ST8SIA1: variants seen among roughly 807,000 people sequenced by gnomAD.
The protein encoded by ST8SIA1 is alpha-N-acetylneuraminide alpha-2,8-sialyltransferase.
Under a neutral mutation model 35.9 loss-of-function variants are expected in ST8SIA1, and 16 were observed. The observed-to-expected ratio is 0.45, with a 90% CI of 0.30 to 0.68. The LOEUF (loss-of-function observed/expected upper bound fraction) is 0.68. ST8SIA1 is among the 30% of genes least tolerant of loss of function. ST8SIA1 has a pLI of 0.09. For missense variants in ST8SIA1, 383 were observed against 453.6 expected, an observed-to-expected ratio of 0.84 and a Z score of 1.41; for synonymous variants, 170 against 169.6, an observed-to-expected ratio of 1.00 and a Z score of -0.02.
intron 1 of ST8SIA1, among the ~76,000 whole-genome samples, chr12:22,292,756 A>G (rs2541303): frequency 0.34 from 52,023 of 151,988 alleles, 10,250 homozygotes; most frequent in African/African-American, 0.55. Flanking sequence ...CAGCGGGAGA[A>G]AGAATGGGAG....
chr12:22,325,735 T>G, intron 1 of ST8SIA1: 1 of 626,270 alleles, frequency 1.6e-6, no homozygotes, highest in East Asian at 2.8e-5. Flanking sequence ...ATTTATAAAT[T>G]AGGCACAGTA....
chr12:22,305,182 AATAT>A lies in ST8SIA1; in HGVS notation c.237-17893_237-17890del, dbSNP rs1866369596. Among the ~76,000 whole-genome samples, 6 of 152,278 alleles carry A rather than the reference AATAT, an allele frequency of 3.9e-5. No individual in the cohort carries two copies. The South Asian group carries it at 1.2e-3, about 32-fold the overall frequency. On this transcript the variant is annotated intron_variant, in intron 1 of 4. Transcript: ENST00000396037. ...GTGTACACAATGTTTCACTGCTAAA[AATAT>A]ATAAAAGAGCTCTAATGAATGGGCT...
At chr12:22,279,234 C>T (rs1866006218) in intron 2 of ST8SIA1, among the ~76,000 whole-genome samples, 1 of 152,222 alleles carries the variant, frequency 6.6e-6, no homozygotes. Context: ...ATGGGAATCA[C>T]TACCAAGTTA....
At chr12:22,328,351 G>T (rs376447742) in intron 1 of ST8SIA1, among the ~76,000 whole-genome samples, 26 of 152,282 alleles carry the variant, frequency 1.7e-4, no homozygotes, top group African/African-American at 6.0e-4. Context: ...CAGGGACCAT[G>T]CTGGGCTCTG....
At chr12:22,267,658 T>G (rs1415978182) in intron 2 of ST8SIA1, among the ~76,000 whole-genome samples, 1 of 152,216 alleles carries the variant, frequency 6.6e-6, no homozygotes, top group Non-Finnish European at 1.5e-5. Context: ...TCTCCTGACC[T>G]GCTTGGCTTA....
chr12:22,297,623 C>T (rs553170176), intron 1 of ST8SIA1, among the ~76,000 whole-genome samples: 2 of 152,218 alleles, frequency 1.3e-5, no homozygotes, highest in African/African-American at 4.8e-5. Flanking sequence ...TCTCTTTACT[C>T]AGCACAGAAT....
chr12:22,219,472 G>A (rs148978045), intron 4 of ST8SIA1, among the ~76,000 whole-genome samples: 123 of 152,192 alleles, frequency 8.1e-4, no homozygotes, highest in South Asian at 3.5e-3. Flanking sequence ...GGGTGGAGGC[G>A]AGGGCACTTG....
intron 4 of ST8SIA1, among the ~76,000 whole-genome samples, chr12:22,207,871 G>A (rs1056483773): frequency 5.9e-5 from 9 of 151,960 alleles, no homozygotes; most frequent in Middle Eastern, 3.4e-3. Context: ...CTAGCCAGGC[G>A]CGGTGGCTCA....
chr12:22,223,434 G>A (rs1413704755), intron 4 of ST8SIA1: 1 of 834,610 alleles, frequency 1.2e-6, no homozygotes, highest in Non-Finnish European at 1.4e-6. Context: ...AGTCCAAAGT[G>A]GAAAAGCTAA....
intron 1 of ST8SIA1, among the ~76,000 whole-genome samples, chr12:22,308,111 G>A (rs1245349068): frequency 6.6e-6 from 1 of 152,162 alleles, no homozygotes; most frequent in Non-Finnish European, 1.5e-5. Context: ...ATTTTTGATG[G>A]TGGTTGCTTT....
In ST8SIA1 at chr12:22,287,239, C is replaced by A. The variant is rs1866111432; in HGVS notation, c.291G>T (p.Met97Ile). The change falls in exon 2 of 5, where the codon ATG (methionine) becomes ATT (isoleucine). Residue 97 changes from methionine to isoleucine, a missense_variant. Met to Ile is a conservative substitution (Grantham distance 10). Coordinates refer to ENST00000396037, the MANE Select transcript of ST8SIA1 (RefSeq NM_003034.4). ...DPAHLFAMTK[M>I]NSPMGKSMWY... ...ACATGCTCTTCCCCATAGGGGAATT[C>A]ATTTTAGTCATAGCAAAGAGATGGG... 6.2e-7 allele frequency: 1 copy of A among 1,614,044 alleles called. No individual in the cohort carries two copies. The highest frequency in any genetic ancestry group is 8.5e-7 in the Non-Finnish European group (1 of 1,179,940).
At chr12:22,326,102 A>G (rs1031628031) in intron 1 of ST8SIA1, 1 of 468,060 alleles carries the variant, frequency 2.1e-6, no homozygotes, top group African/African-American at 2.0e-5. Context: ...AGCCATGGAA[A>G]ACAAAACCAC....
chr12:22,206,955 A>G (rs1302625862), intron 4 of ST8SIA1, among the ~76,000 whole-genome samples: 1 of 152,220 alleles, frequency 6.6e-6, no homozygotes, highest in Non-Finnish European at 1.5e-5. Context: ...GTAATAAGAA[A>G]GTGCTGCTGG....
At chr12:22,235,767 C>T (rs546953140) in intron 4 of ST8SIA1, among the ~76,000 whole-genome samples, 1 of 152,250 alleles carries the variant, frequency 6.6e-6, no homozygotes, top group Admixed American at 6.5e-5. Context: ...AGTGGCGTTT[C>T]CCAGGATTTG....
At chr12:22,314,226 T>A (rs140717874) in intron 1 of ST8SIA1, among the ~76,000 whole-genome samples, 447 of 152,218 alleles carry the variant, frequency 2.9e-3, no homozygotes, top group African/African-American at 9.9e-3. Context: ...CCATGCTCAC[T>A]AGTACTACCC....
At chr12:22,266,759 T>C (rs896859584) in intron 2 of ST8SIA1, among the ~76,000 whole-genome samples, 41 of 152,136 alleles carry the variant, frequency 2.7e-4, no homozygotes, top group Admixed American at 2.0e-3. Flanking sequence ...ATTGTGCCAC[T>C]GCATTGCAGC....
intron 1 of ST8SIA1, among the ~76,000 whole-genome samples, chr12:22,295,459 A>G (rs1440030268): frequency 1.3e-5 from 2 of 152,184 alleles, no homozygotes; most frequent in African/African-American, 4.8e-5. Context: ...CAGGCCAGGC[A>G]CTGTGGTTCA....
chr12:22,330,911 T>G (rs1866754408), intron 1 of ST8SIA1, among the ~76,000 whole-genome samples: 1 of 152,206 alleles, frequency 6.6e-6, no homozygotes, highest in Admixed American at 6.5e-5. Flanking sequence ...CAGTATCACT[T>G]AATCAAAAGC....
At position 22,198,627 on chromosome 12, in the gene ST8SIA1, T is replaced by A. The variant is rs116146391; in HGVS notation, c.*2925A>T. ...GTATGGTGTATCTAGTGAGTTGTAA[T>A]CTACCATAAGAAAATATTTTCATTA... On this transcript the variant is annotated 3_prime_UTR_variant, in exon 5 of 5. Coordinates refer to ENST00000396037, the MANE Select transcript of ST8SIA1 (RefSeq NM_003034.4). The A allele has an allele frequency of 1.7e-3, 262 of 152,038 alleles. No individual in the cohort carries two copies. The highest frequency in any genetic ancestry group is 5.8e-3 in the African/African-American group (240 of 41,460). The allele number at this position is 152,038 out of a possible 1,614,324, so 9.4% of individuals were successfully genotyped here. A position where few individuals can be genotyped will look rare whatever the true frequency, so the allele number is the denominator to read the frequency against.
Sources: gnomAD v4.1 joint callset for allele counts (sites outside exome capture counted in the v4.1 genomes callset) on GRCh38, gnomAD v4.1.1 for gene constraint, MANE v1.5 for transcripts, NCBI Gene and HGNC (gene_info 2026-07-23, HGNC 2026-07-21) for gene names.